The following FXR1 variants were observed in gnomAD, a reference collection of about 807,000 sequenced individuals.
FXR1 encodes the protein RNA-binding protein FXR1.
FXR1 carries 15 observed loss-of-function variants against 84.0 expected under a neutral mutation model. That is an observed-to-expected ratio of 0.18 (90% CI 0.12 to 0.27). The LOEUF is 0.27. Ranked by LOEUF, FXR1 falls within the 10% of genes least tolerant of loss-of-function variation. FXR1 has a pLI of 1.00. For missense variants in FXR1, 480 were observed against 774.4 expected (o/e 0.62, Z 4.51); for synonymous variants, 245 against 250.7 (o/e 0.98, Z 0.21).
intron 3 of FXR1, among the ~76,000 whole-genome samples, chr3:180,940,582 TTTC>T (rs1486796287): frequency 2.0e-5 from 3 of 149,918 alleles, no homozygotes; most frequent in Admixed American, 1.3e-4. Context: ...TTTTTTCTGT[TTTC>T]TTTTTTTTTT....
At position 180,973,472 on chromosome 3, in the gene FXR1, C is replaced by T. The variant is rs1385484278; in HGVS notation, c.1604-1841C>T. Among the ~76,000 whole-genome samples the T allele has an allele frequency of 3.3e-5, 5 of 152,272 alleles. No homozygotes were observed. In the East Asian group the frequency reaches 7.7e-4, roughly 23 times the overall value. ...TGTTTTCCTAGGTGTCACTGAGGGCCGAACTTGGAAACAGTGCATTCACTA... is the reference window on the plus strand; with the variant it reads ...TGTTTTCCTAGGTGTCACTGAGGGCTGAACTTGGAAACAGTGCATTCACTA... On this transcript the variant is annotated intron_variant, in intron 15 of 16. Coordinates refer to ENST00000357559, the MANE Select transcript of FXR1 (RefSeq NM_005087.4).
At position 180,982,293 on chromosome 3, in the gene FXR1, AAGAT is replaced by A. The variant is rs1714647461; in HGVS notation, c.*6003_*6006del. ...GTATTTTGTAAGAAAATACCAGCAA[AAGAT>A]AAAAGTTTTTTTATGGATCGTATTT... On this transcript the variant is annotated 3_prime_UTR_variant, in exon 17 of 17. Transcript: ENST00000357559. The A allele has an allele frequency of 6.6e-6, 1 of 151,940 alleles. No homozygotes were observed. Among genetic ancestry groups the A allele is most frequent in the Non-Finnish European group, 1.5e-5 (1 of 67,924 alleles). The allele number at this position is 151,940 out of a possible 1,614,324, so 9.4% of individuals were successfully genotyped here. A position where few individuals can be genotyped will look rare whatever the true frequency, so the allele number is the denominator to read the frequency against.
At chr3:180,926,213 GAATT>G (rs1301001422) in intron 1 of FXR1, among the ~76,000 whole-genome samples, 6 of 151,948 alleles carry the variant, frequency 3.9e-5, no homozygotes, top group Non-Finnish European at 8.8e-5. Context: ...CATGAGAAGA[GAATT>G]AAAAAGAAAA....
Position 180,980,729 on chromosome 3 carries a change from G to C in FXR1, c.*4437G>C, listed in dbSNP as rs752344151. On this transcript the variant is annotated 3_prime_UTR_variant, in exon 17 of 17. Transcript: ENST00000357559. ...TCTATTATTGGGTCAGGAATAATAG[G>C]TGACACAGGATAGAAGCTCTTCCTA... The C allele has an allele frequency of 6.6e-6, 1 of 151,962 alleles. No individual in the cohort carries two copies. Among genetic ancestry groups the C allele is most frequent in the African/African-American group, 2.4e-5 (1 of 41,394 alleles). 9.4% of individuals were successfully genotyped at this position (151,962 alleles called of 1,614,324 possible). A position where few individuals can be genotyped will look rare whatever the true frequency, so the allele number is the denominator to read the frequency against.
At chr3:180,945,779 T>C (rs1005686964) in intron 3 of FXR1, among the ~76,000 whole-genome samples, 5 of 152,200 alleles carry the variant, frequency 3.3e-5, no homozygotes, top group Non-Finnish European at 7.3e-5. Context: ...TCTGGGTTCT[T>C]GTTGGAGGAT....
In FXR1 at chr3:180,981,620, A is replaced by T. The variant is rs1047694990; in HGVS notation, c.*5328A>T. ...GAGGTCTAATGTGAAGGCTATAGAT[A>T]GGAATTCCCCACAAACTTCTAATGA... On this transcript the variant is annotated 3_prime_UTR_variant, in exon 17 of 17. Transcript: ENST00000357559. 14 of 151,982 alleles carry T rather than the reference A, an allele frequency of 9.2e-5. No individual in the cohort carries two copies. The highest frequency in any genetic ancestry group is 3.4e-4 in the African/African-American group (14 of 41,340). 9.4% of individuals were successfully genotyped at this position (151,982 alleles called of 1,614,324 possible). A position where few individuals can be genotyped will look rare whatever the true frequency, so the allele number is the denominator to read the frequency against.
intron 1 of FXR1, among the ~76,000 whole-genome samples, chr3:180,920,225 A>G (rs1160830188): frequency 3.9e-5 from 6 of 151,998 alleles, no homozygotes; most frequent in Non-Finnish European, 8.8e-5. Context: ...TTTTCATGTA[A>G]CCTTTTTGTT....
At chr3:180,948,135 C>T (rs1439290416) in intron 4 of FXR1, 199 bp downstream of exon 4, 4 of 611,180 alleles carry the variant, frequency 6.5e-6, no homozygotes, top group Non-Finnish European at 8.7e-6. Context: ...CAGAGGTACA[C>T]CTCAAGCATG....
intron 3 of FXR1, among the ~76,000 whole-genome samples, chr3:180,942,948 C>A (rs1195928018): frequency 1.3e-5 from 2 of 152,076 alleles, no homozygotes; most frequent in Non-Finnish European, 2.9e-5. Context: ...TGATCCATAG[C>A]ACTGTAAGTG....
intron 1 of FXR1, among the ~76,000 whole-genome samples, chr3:180,929,748 A>G (rs1719661111): frequency 6.6e-6 from 1 of 152,224 alleles, no homozygotes; most frequent in Non-Finnish European, 1.5e-5. Context: ...TGGGAATACA[A>G]AAATACATTT....
chr3:180,944,205 G>T (rs959227697), intron 3 of FXR1, among the ~76,000 whole-genome samples: 1 of 152,050 alleles, frequency 6.6e-6, no homozygotes, highest in Non-Finnish European at 1.5e-5. Context: ...GAGCCACCGC[G>T]CCCGGCCTAG....
chr3:180,927,022 T>A (rs1719313826), intron 1 of FXR1, among the ~76,000 whole-genome samples: 1 of 152,110 alleles, frequency 6.6e-6, no homozygotes, highest in South Asian at 2.1e-4. Context: ...TAAAATTTTC[T>A]TTCAGCTTGA....
Position 180,951,485 on chromosome 3 carries a change from C to T in FXR1, c.801+17C>T, listed in dbSNP as rs1287252271. The T allele has an allele frequency of 2.5e-6, 4 of 1,570,588 alleles. No individual in the cohort carries two copies. Among genetic ancestry groups the T allele is most frequent in the East Asian group, 2.3e-5 (1 of 44,306 alleles). On this transcript the variant is annotated intron_variant, in intron 8 of 16. Transcript: ENST00000357559. ...TACGGAGAGGTAAGTTCTCTTTCTCCTGCCTTGGCCTTTAGTGTATTAACC... is the reference window on the plus strand; with the variant it reads ...TACGGAGAGGTAAGTTCTCTTTCTCTTGCCTTGGCCTTTAGTGTATTAACC...
At chr3:180,932,079 A>AAAAAAAAC (rs1342703391) in intron 1 of FXR1, among the ~76,000 whole-genome samples, 2 of 146,520 alleles carry the variant, frequency 1.4e-5, no homozygotes, top group Admixed American at 6.7e-5. Flanking sequence ...AAGTTTCAAA[A>AAAAAAAAC]AAAAAAAAAA....
At chr3:180,943,139 G>C (rs1262457789) in intron 3 of FXR1, among the ~76,000 whole-genome samples, 1 of 151,490 alleles carries the variant, frequency 6.6e-6, no homozygotes, top group East Asian at 1.9e-4. Flanking sequence ...GCTAATTTTC[G>C]TATTTTTAGT....
intron 1 of FXR1, among the ~76,000 whole-genome samples, chr3:180,913,241 T>G (rs1017759042): frequency 2.6e-5 from 4 of 152,160 alleles, no homozygotes; most frequent in African/African-American, 7.2e-5. Flanking sequence ...TATTTGAGTT[T>G]TGGGCCAACA....
intron 8 of FXR1, among the ~76,000 whole-genome samples, chr3:180,952,405 AAGAC>A (rs756827123): frequency 2.0e-5 from 3 of 152,190 alleles, no homozygotes; most frequent in African/African-American, 4.8e-5. Context: ...AGTAATTAAG[AAGAC>A]AGACAGACAC....
chr3:180,951,536 C>T (rs1302789373), intron 8 of FXR1, 68 bp downstream of exon 8: 3 of 1,147,144 alleles, frequency 2.6e-6, no homozygotes, highest in Non-Finnish European at 2.5e-6. Context: ...ATATTTTTAT[C>T]TGAAATTCCA....
rs190913732 is a variant in FXR1 at position 180,920,139 on chromosome 3, G to A, written c.51+7403G>A. Among the ~76,000 whole-genome samples, 3 of 152,262 alleles carry A rather than the reference G, an allele frequency of 2.0e-5. No homozygotes were observed. The East Asian group carries it at 5.8e-4, about 29-fold the overall frequency. Reference sequence around the variant, plus strand: ...GCGCTCCCGTGTTGAGATTTCTTCAGATCAGGAGCCTCAGAGGCTCCTGAA... The same window carrying A: ...GCGCTCCCGTGTTGAGATTTCTTCAAATCAGGAGCCTCAGAGGCTCCTGAA... On this transcript the variant is annotated intron_variant, in intron 1 of 16. Transcript: ENST00000357559.
Sources: allele counts gnomAD v4.1 joint callset (sites outside exome capture counted in the v4.1 genomes callset), GRCh38; gene constraint gnomAD v4.1.1; transcripts MANE v1.5; gene names NCBI Gene and HGNC (gene_info 2026-07-23, HGNC 2026-07-21).